BCKDHB: variants seen among roughly 807,000 people sequenced by gnomAD.
BCKDHB encodes branched chain keto acid dehydrogenase E1 subunit beta.
In BCKDHB, 41 loss-of-function variants were observed where a neutral mutation model predicts 48.5. The ratio of observed to expected loss-of-function variants is 0.85; its 90% confidence interval spans 0.66 to 1.10. BCKDHB has a LOEUF of 1.10. Among genes scored for constraint, BCKDHB ranks in the 50% least tolerant of loss-of-function variants. BCKDHB has a pLI of 0.00. For missense variants in BCKDHB, 496 were observed against 494.2 expected (o/e 1.00, Z -0.03); for synonymous variants, 201 against 174.8 (o/e 1.15, Z -1.18).
intron 6 of BCKDHB, among the ~76,000 whole-genome samples, chr6:80,176,080 A>G (rs1176816759): frequency 6.6e-6 from 1 of 152,114 alleles, no homozygotes; most frequent in African/African-American, 2.4e-5. Context: ...GCCTGTTTAT[A>G]TGATATCATG....
At chr6:80,355,098 A>T in the BCKDHB span, among the ~76,000 whole-genome samples, 5 of 152,078 alleles carry the variant, frequency 3.3e-5, no homozygotes, top group East Asian at 5.8e-4. Flanking sequence ...GAGCAGTATG[A>T]TTATGTTAAT....
At chr6:80,274,631 A>G (rs1480554633) in intron 9 of BCKDHB, among the ~76,000 whole-genome samples, 3 of 152,062 alleles carry the variant, frequency 2.0e-5, no homozygotes, top group African/African-American at 7.2e-5. Context: ...GCTTATTGAT[A>G]TCTCAAAAGT....
the BCKDHB span, chr6:80,374,449 T>C: frequency 2.3e-4 from 172 of 759,126 alleles, no homozygotes; most frequent in African/African-American, 2.4e-3. Flanking sequence ...GCTTTTCATA[T>C]ATGCATACCC....
At chr6:80,124,546 A>G (rs1770233506) in intron 1 of BCKDHB, among the ~76,000 whole-genome samples, 1 of 152,080 alleles carries the variant, frequency 6.6e-6, no homozygotes, top group East Asian at 1.9e-4. Context: ...GTCTCTAAGG[A>G]CTTGCTTTAT....
the BCKDHB span, among the ~76,000 whole-genome samples, chr6:80,370,015 G>A: frequency 6.6e-6 from 1 of 151,978 alleles, no homozygotes; most frequent in African/African-American, 2.4e-5. Context: ...CATTTCTTAT[G>A]CAATATCAAA....
intron 8 of BCKDHB, among the ~76,000 whole-genome samples, chr6:80,271,008 A>G (rs1214739628): frequency 6.6e-6 from 1 of 152,138 alleles, no homozygotes; most frequent in Non-Finnish European, 1.5e-5. Flanking sequence ...TGATCTAAAC[A>G]TACATAAAGC....
intron 1 of BCKDHB, among the ~76,000 whole-genome samples, chr6:80,116,073 A>G (rs563325342): frequency 4.6e-5 from 7 of 152,220 alleles, no homozygotes; most frequent in East Asian, 1.9e-4. Flanking sequence ...GGTCTAAGCT[A>G]TAAATCCACT....
At chr6:80,214,297 C>T (rs1383669020) in intron 8 of BCKDHB, among the ~76,000 whole-genome samples, 1 of 152,096 alleles carries the variant, frequency 6.6e-6, no homozygotes, top group Non-Finnish European at 1.5e-5. Context: ...GTTCTGAAGA[C>T]CCATAGATTA....
At chr6:80,378,182 A>G in the BCKDHB span, among the ~76,000 whole-genome samples, 3 of 152,142 alleles carry the variant, frequency 2.0e-5, no homozygotes, top group African/African-American at 4.8e-5. Context: ...TTGGGCTTCT[A>G]GTGTACTCAT....
intron 9 of BCKDHB, among the ~76,000 whole-genome samples, chr6:80,326,212 AAGATGTGGGGAT>A (rs1179442384): frequency 1.3e-5 from 2 of 152,152 alleles, no homozygotes; most frequent in Non-Finnish European, 2.9e-5. Context: ...GTTATTTTTA[AAGATGTGGGGAT>A]ACATTTTTCA....
intron 9 of BCKDHB, among the ~76,000 whole-genome samples, chr6:80,315,589 C>T (rs1393643378): frequency 2.6e-5 from 4 of 151,736 alleles, no homozygotes; most frequent in Admixed American, 6.6e-5. Flanking sequence ...TCTTGGCCCC[C>T]GATCCCTTGT....
At chr6:80,259,063 T>G (rs1188578469) in intron 8 of BCKDHB, among the ~76,000 whole-genome samples, 1 of 152,200 alleles carries the variant, frequency 6.6e-6, no homozygotes, top group Non-Finnish European at 1.5e-5. Context: ...AACAGTTCAG[T>G]ATTGAAGGCA....
chr6:80,350,013 T>C (rs532331196), downstream of BCKDHB, among the ~76,000 whole-genome samples: 4 of 152,108 alleles, frequency 2.6e-5, no homozygotes, highest in African/African-American at 9.6e-5. Context: ...CTACTGATCA[T>C]GAATAAAGAA....
the BCKDHB span, among the ~76,000 whole-genome samples, chr6:80,354,125 C>T: frequency 1.3e-5 from 2 of 152,146 alleles, no homozygotes; most frequent in African/African-American, 4.8e-5. Context: ...TGTTCTCTCA[C>T]TATGCAGGTT....
intron 8 of BCKDHB, among the ~76,000 whole-genome samples, chr6:80,221,322 G>A (rs969114898): frequency 1.3e-5 from 2 of 151,984 alleles, no homozygotes; most frequent in East Asian, 1.9e-4. Flanking sequence ...ACCCCTTCCC[G>A]ACTTTGTTGT....
At chr6:80,322,501 T>C (rs1353988933) in intron 9 of BCKDHB, among the ~76,000 whole-genome samples, 2 of 152,094 alleles carry the variant, frequency 1.3e-5, no homozygotes, top group African/African-American at 4.8e-5. Context: ...CCTCCCAAAG[T>C]GCTGGGATTA....
intron 8 of BCKDHB, among the ~76,000 whole-genome samples, chr6:80,227,138 ATACTC>A (rs1311233565): frequency 2.0e-4 from 31 of 152,248 alleles, no homozygotes; most frequent in Admixed American, 1.7e-3. Flanking sequence ...ATTAAACAAA[ATACTC>A]TACATGCATT....
At chr6:80,396,618 G>T in the BCKDHB span, among the ~76,000 whole-genome samples, 1 of 152,206 alleles carries the variant, frequency 6.6e-6, no homozygotes, top group African/African-American at 2.4e-5. Flanking sequence ...CCACATTTCT[G>T]AGGGACCTCA....
At chr6:80,301,776 A>C (rs1037327041) in intron 9 of BCKDHB, among the ~76,000 whole-genome samples, 1 of 152,332 alleles carries the variant, frequency 6.6e-6, no homozygotes, top group African/African-American at 2.4e-5. Context: ...ATTCAGTAGC[A>C]CATCAAAAAG....
Sources: gnomAD v4.1 joint callset for allele counts (sites outside exome capture counted in the v4.1 genomes callset) on GRCh38, gnomAD v4.1.1 for gene constraint, MANE v1.5 for transcripts, NCBI Gene and HGNC (gene_info 2026-07-23, HGNC 2026-07-21) for gene names.